RNGTT: variants seen among roughly 807,000 people sequenced by gnomAD.
RNGTT encodes the protein RNA guanylyltransferase and 5'-phosphatase, also known as mRNA-capping enzyme.
RNGTT carries 33 observed loss-of-function variants against 79.3 expected under a neutral mutation model. That is an observed-to-expected ratio of 0.42 (90% CI 0.32 to 0.56). The LOEUF (loss-of-function observed/expected upper bound fraction) is 0.56. RNGTT is among the 20% of genes least tolerant of loss of function. The probability of loss-of-function intolerance (pLI) is 0.17; values close to 1 mark genes in which losing one functional copy is unlikely to be tolerated. For synonymous variants in RNGTT, 222 were observed against 235.9 expected (o/e 0.94, Z 0.54); for missense variants, 497 against 739.1 (o/e 0.67, Z 3.80).
chr6:88,934,700 G>A (rs9342174), intron 2 of RNGTT, among the ~76,000 whole-genome samples: 1 of 151,982 alleles, frequency 6.6e-6, no homozygotes, highest in African/African-American at 2.4e-5. Context: ...GAGTACAGTG[G>A]TGTGAATATG....
chr6:88,709,001 A>C (rs2127806064), intron 13 of RNGTT, among the ~76,000 whole-genome samples: 1 of 152,254 alleles, frequency 6.6e-6, no homozygotes, highest in East Asian at 1.9e-4. Flanking sequence ...AAGGAAGATG[A>C]AATCATCTTA....
intron 11 of RNGTT, among the ~76,000 whole-genome samples, chr6:88,815,975 T>A (rs549408306): frequency 2.6e-5 from 4 of 152,342 alleles, no homozygotes; most frequent in African/African-American, 7.2e-5. Flanking sequence ...TTTGTATCAA[T>A]TTTAAGCTAG....
At chr6:88,825,197 G>C (rs1780618643) in intron 11 of RNGTT, among the ~76,000 whole-genome samples, 1 of 152,212 alleles carries the variant, frequency 6.6e-6, no homozygotes, top group Non-Finnish European at 1.5e-5. Context: ...TGAGAACTAA[G>C]AATATAAATT....
intron 13 of RNGTT, among the ~76,000 whole-genome samples, chr6:88,703,982 G>T (rs1285472849): frequency 6.6e-6 from 1 of 152,068 alleles, no homozygotes; most frequent in Non-Finnish European, 1.5e-5. Context: ...ACTTCAGGCC[G>T]GGTGCGGTGG....
chr6:88,726,359 C>T (rs1776903733), intron 13 of RNGTT, among the ~76,000 whole-genome samples: 2 of 132,072 alleles, frequency 1.5e-5, no homozygotes, highest in African/African-American at 3.2e-5. Context: ...ATTGTGAGCA[C>T]ACCACATCAG....
At chr6:88,810,902 A>T (rs371055877) in intron 11 of RNGTT, among the ~76,000 whole-genome samples, 29 of 152,372 alleles carry the variant, frequency 1.9e-4, no homozygotes, top group African/African-American at 6.7e-4. Flanking sequence ...AGCCAGCATT[A>T]GGACATGCTA....
intron 4 of RNGTT, among the ~76,000 whole-genome samples, chr6:88,917,721 T>C (rs1302627762): frequency 6.6e-6 from 1 of 152,044 alleles, no homozygotes; most frequent in Non-Finnish European, 1.5e-5. Context: ...ACCTCATCTC[T>C]ACTAAAAATA....
chr6:88,841,449 C>T (rs1334472647), intron 11 of RNGTT, among the ~76,000 whole-genome samples: 1 of 152,006 alleles, frequency 6.6e-6, no homozygotes, highest in Admixed American at 6.6e-5. Flanking sequence ...AACATGATTG[C>T]ATATGTTGCT....
chr6:88,746,353 C>T (rs1399689743), intron 13 of RNGTT, among the ~76,000 whole-genome samples: 3 of 152,162 alleles, frequency 2.0e-5, no homozygotes, highest in Non-Finnish European at 4.4e-5. Flanking sequence ...GGCCAGGTCC[C>T]CTTGCAGAAA....
chr6:88,846,224 C>A (rs951651125), intron 10 of RNGTT, among the ~76,000 whole-genome samples: 1 of 152,178 alleles, frequency 6.6e-6, no homozygotes, highest in African/African-American at 2.4e-5. Flanking sequence ...TATTGACTAG[C>A]TTGTCTCCCT....
At chr6:88,757,409 A>C (rs892198363) in intron 13 of RNGTT, among the ~76,000 whole-genome samples, 9 of 152,222 alleles carry the variant, frequency 5.9e-5, no homozygotes, top group African/African-American at 2.2e-4. Flanking sequence ...GAGAAATCAA[A>C]CCTAGTATCT....
In RNGTT at chr6:88,646,774, A is replaced by G. The variant is rs536219254; in HGVS notation, c.1506+31579T>C. 7.7e-3 allele frequency among the ~76,000 whole-genome samples: 1,170 copies of G among 152,038 alleles called. 9 individuals carry two copies. The highest frequency in any genetic ancestry group is 0.026 in the African/African-American group (1,084 of 41,408). On this transcript the variant is annotated intron_variant, in intron 14 of 15. Transcript: ENST00000369485. ...AACCAAACACCGCATGTTCTCACTC[A>G]TAGCTGGGAATCGAACAATGAGAAC...
chr6:88,684,987 C>T (rs1263772058), intron 13 of RNGTT, among the ~76,000 whole-genome samples: 1 of 152,112 alleles, frequency 6.6e-6, no homozygotes, highest in African/African-American at 2.4e-5. Context: ...TATGAAGCTA[C>T]AGAAAGACAC....
rs143906793 is a variant in RNGTT at position 88,725,977 on chromosome 6, C to T, written c.1439+43797G>A. Among the ~76,000 whole-genome samples, 216 of 148,474 alleles carry T rather than the reference C, an allele frequency of 1.5e-3. 2 individuals are homozygous for T. Among genetic ancestry groups the T allele is most frequent in the Non-Finnish European group, 2.7e-3 (180 of 67,048 alleles). ...AGAGAGAGAGAAAGAGAGAGACAGG[C>T]GGAGAGATAAAGAGAAAGACAAAGA... On this transcript the variant is annotated intron_variant, in intron 13 of 15. Transcript: ENST00000369485.
chr6:88,645,070 T>C (rs1192039217), intron 14 of RNGTT, among the ~76,000 whole-genome samples: 2 of 152,296 alleles, frequency 1.3e-5, no homozygotes, highest in Admixed American at 6.5e-5. Context: ...ATTGTCCCTG[T>C]TTGCAGATGA....
intron 4 of RNGTT, among the ~76,000 whole-genome samples, chr6:88,910,024 A>T (rs968259656): frequency 7.2e-5 from 11 of 152,156 alleles, no homozygotes; most frequent in Non-Finnish European, 1.3e-4. Flanking sequence ...AAGAAGGACC[A>T]GTTCCCTCAG....
intron 13 of RNGTT, among the ~76,000 whole-genome samples, chr6:88,708,155 G>C (rs1776202131): frequency 6.6e-6 from 1 of 152,130 alleles, no homozygotes; most frequent in African/African-American, 2.4e-5. Context: ...AGATTTTCCT[G>C]GACCAGGTAG....
chr6:88,831,068 C>T (rs1780846494), intron 11 of RNGTT, among the ~76,000 whole-genome samples: 1 of 152,048 alleles, frequency 6.6e-6, no homozygotes, highest in African/African-American at 2.4e-5. Flanking sequence ...AAAAGAGGGG[C>T]TCCAACCTAA....
At chr6:88,799,564 GT>G (rs1296450927) in intron 12 of RNGTT, among the ~76,000 whole-genome samples, 1 of 151,884 alleles carries the variant, frequency 6.6e-6, no homozygotes, top group Admixed American at 6.6e-5. Context: ...GCCGGGCATG[GT>G]GGTGCGCACC....
Sources: allele counts gnomAD v4.1 joint callset (sites outside exome capture counted in the v4.1 genomes callset), GRCh38; gene constraint gnomAD v4.1.1; transcripts MANE v1.5; gene names NCBI Gene and HGNC (gene_info 2026-07-23, HGNC 2026-07-21).